Variants in FAM227B observed in about 807,000 individuals in gnomAD.
FAM227B encodes the protein protein FAM227B.
A neutral mutation model predicts 73.8 loss-of-function variants in FAM227B; 88 were observed. That is an observed-to-expected ratio of 1.19 (90% CI 1.00 to 1.42). FAM227B has a LOEUF of 1.42. FAM227B is among the 40% of genes most tolerant of loss of function. The pLI is 0.00. For missense variants in FAM227B, 632 were observed against 590.9 expected, an observed-to-expected ratio of 1.07 and a Z score of -0.72; for synonymous variants, 210 against 190.5, an observed-to-expected ratio of 1.10 and a Z score of -0.84.
intron 11 of FAM227B, chr15:49,422,856 T>G: frequency 1.5e-6 from 1 of 646,734 alleles, no homozygotes; most frequent in Non-Finnish European, 2.6e-6. Flanking sequence ...TGTTCTAACA[T>G]TCTGAGCACA....
At chr15:49,418,505 T>C (rs1264675220) in intron 11 of FAM227B, among the ~76,000 whole-genome samples, 1 of 152,184 alleles carries the variant, frequency 6.6e-6, no homozygotes, top group Non-Finnish European at 1.5e-5. Context: ...GGAACGTGGA[T>C]GGAGCTGGAG....
chr15:49,450,348 G>A (rs1370391170), intron 11 of FAM227B, among the ~76,000 whole-genome samples: 1 of 151,924 alleles, frequency 6.6e-6, no homozygotes, highest in Non-Finnish European at 1.5e-5. Context: ...TGACTGTCTA[G>A]AGTTCATTTC....
Position 49,521,163 on chromosome 15 carries a change from C to T in FAM227B, c.875-12815G>A, listed in dbSNP as rs528887757. The stretch of plus-strand genomic sequence containing the variant: ...TGGGACACTGTCTCATCCAGGGAAT[C>T]TTAGCCCTGTGTTGTTGCATCACCA... On this transcript the variant is annotated intron_variant, in intron 10 of 15. Coordinates refer to ENST00000299338, the MANE Select transcript of FAM227B (RefSeq NM_152647.3). Among the ~76,000 whole-genome samples, 134 of 152,270 alleles carry T rather than the reference C, an allele frequency of 8.8e-4. 5 individuals carry two copies. In the South Asian group the frequency reaches 0.027, roughly 30 times the overall value.
chr15:49,412,245 T>C (rs1385752787), intron 11 of FAM227B, among the ~76,000 whole-genome samples: 2 of 152,124 alleles, frequency 1.3e-5, no homozygotes, highest in African/African-American at 2.4e-5. Flanking sequence ...AAATGATTAA[T>C]ATAATTTTTG....
intron 11 of FAM227B, among the ~76,000 whole-genome samples, chr15:49,430,234 C>A (rs1460382786): frequency 6.6e-6 from 1 of 151,880 alleles, no homozygotes; most frequent in Non-Finnish European, 1.5e-5. Context: ...AGAATAGGTT[C>A]TGTACCACAG....
chr15:49,346,763 T>C (rs2041570263), intron 13 of FAM227B, among the ~76,000 whole-genome samples: 1 of 152,166 alleles, frequency 6.6e-6, no homozygotes, highest in South Asian at 2.1e-4. Flanking sequence ...AAAAGGAAGC[T>C]AGGCAGCAAG....
intron 11 of FAM227B, among the ~76,000 whole-genome samples, chr15:49,493,990 T>C (rs1362726013): frequency 1.3e-5 from 2 of 151,800 alleles, no homozygotes; most frequent in African/African-American, 4.8e-5. Flanking sequence ...ATTACATACC[T>C]ATAGATATAT....
chr15:49,443,749 G>C (rs556212842), intron 11 of FAM227B, among the ~76,000 whole-genome samples: 1 of 151,638 alleles, frequency 6.6e-6, no homozygotes, highest in Non-Finnish European at 1.5e-5. Context: ...CAGAACTATA[G>C]TTGTTCCTCT....
Position 49,359,517 on chromosome 15 carries a change from T to C in FAM227B, c.1271+7931A>G, listed in dbSNP as rs1596505978. Among the ~76,000 whole-genome samples, 3 of 117,378 alleles carry C rather than the reference T, an allele frequency of 2.6e-5. 1 individual carries two copies. In the East Asian group the frequency reaches 7.4e-4, roughly 29 times the overall value. The allele number at this position is 117,378 out of a possible 152,430, so 77.0% of individuals were successfully genotyped here. A position where few individuals can be genotyped will look rare whatever the true frequency, so the allele number is the denominator to read the frequency against. ...TCATCATCACTGGCCGTCAGAGAAA[T>C]GCAAATCAAAACCACAATGAGATAC... On this transcript the variant is annotated intron_variant, in intron 13 of 15. Coordinates refer to ENST00000299338, the MANE Select transcript of FAM227B (RefSeq NM_152647.3).
At chr15:49,336,805 T>C (rs888318095) in intron 13 of FAM227B, among the ~76,000 whole-genome samples, 2 of 152,178 alleles carry the variant, frequency 1.3e-5, no homozygotes, top group Admixed American at 6.5e-5. Context: ...GATCCTGTCA[T>C]CCAGGTAGTG....
intron 9 of FAM227B, among the ~76,000 whole-genome samples, chr15:49,559,766 C>A (rs1286682334): frequency 1.3e-5 from 2 of 151,966 alleles, no homozygotes; most frequent in Non-Finnish European, 2.9e-5. Flanking sequence ...GAAACCCCGT[C>A]TCTACTAAAA....
intron 11 of FAM227B, among the ~76,000 whole-genome samples, chr15:49,443,240 AAAGT>A (rs2051845584): frequency 6.6e-6 from 1 of 151,848 alleles, no homozygotes; most frequent in East Asian, 1.9e-4. Flanking sequence ...CATTAAAAGA[AAAGT>A]AATAAATACT....
chr15:49,438,459 T>C (rs1027064507), intron 11 of FAM227B, among the ~76,000 whole-genome samples: 1 of 151,712 alleles, frequency 6.6e-6, no homozygotes, highest in African/African-American at 2.4e-5. Flanking sequence ...AGATTGTCAA[T>C]TGCAGAAGAG....
intron 13 of FAM227B, among the ~76,000 whole-genome samples, chr15:49,354,342 A>G (rs1328135106): frequency 6.6e-6 from 1 of 152,220 alleles, no homozygotes; most frequent in African/African-American, 2.4e-5. Flanking sequence ...TACCGGGTTC[A>G]TCTCACTAGG....
chr15:49,541,568 G>A (rs2071074455), intron 10 of FAM227B, 112 bp downstream of exon 10: 2 of 961,512 alleles, frequency 2.1e-6, no homozygotes, highest in African/African-American at 1.7e-5. Context: ...GCTATGGCAT[G>A]CTTTGTAAGA....
chr15:49,576,935 T>C, intron 6 of FAM227B, 90 bp from the exon 7 acceptor site: 1 of 662,736 alleles, frequency 1.5e-6, no homozygotes, highest in Non-Finnish European at 2.6e-6. Flanking sequence ...AACATTTAAC[T>C]ATCACTCACT....
At chr15:49,529,460 C>T (rs1038840340) in intron 10 of FAM227B, among the ~76,000 whole-genome samples, 28 of 151,714 alleles carry the variant, frequency 1.8e-4, no homozygotes, top group Admixed American at 5.3e-4. Context: ...CATGTACCTG[C>T]ATCAAAAATA....
intron 11 of FAM227B, among the ~76,000 whole-genome samples, chr15:49,388,997 G>T (rs2047045179): frequency 6.6e-6 from 1 of 151,860 alleles, no homozygotes; most frequent in Non-Finnish European, 1.5e-5. Flanking sequence ...AACAATAGAG[G>T]TTGGCATGGA....
intron 11 of FAM227B, among the ~76,000 whole-genome samples, chr15:49,476,212 G>GTCTTTTT: frequency 1.2e-5 from 1 of 81,306 alleles, no homozygotes; most frequent in Non-Finnish European, 3.3e-5. Flanking sequence ...TTATTTTGCT[G>GTCTTTTT]TTTTGTTTTT....
Sources: gnomAD v4.1 joint callset for allele counts (sites outside exome capture counted in the v4.1 genomes callset) on GRCh38, gnomAD v4.1.1 for gene constraint, MANE v1.5 for transcripts, NCBI Gene and HGNC (gene_info 2026-07-23, HGNC 2026-07-21) for gene names.